HIBADH: variants seen among roughly 807,000 people sequenced by gnomAD.
HIBADH encodes 3-hydroxyisobutyrate dehydrogenase, mitochondrial.
A neutral mutation model predicts 36.1 loss-of-function variants in HIBADH; 25 were observed. That is an observed-to-expected ratio of 0.69 (90% CI 0.50 to 0.97). The LOEUF is 0.97. Ranked by LOEUF, HIBADH falls within the 50% of genes least tolerant of loss-of-function variation. The pLI is 0.00. For missense variants in HIBADH, 421 were observed against 418.0 expected (o/e 1.01, Z -0.06); for synonymous variants, 160 against 149.5 (o/e 1.07, Z -0.51).
chr7:27,532,545 T>C (rs1306274672), intron 6 of HIBADH, among the ~76,000 whole-genome samples: 2 of 152,226 alleles, frequency 1.3e-5, no homozygotes, highest in African/African-American at 4.8e-5. Flanking sequence ...CAAAAATATG[T>C]ATGGAATTAC....
At chr7:27,556,943 C>A (rs1003578358) in intron 4 of HIBADH, among the ~76,000 whole-genome samples, 6 of 152,116 alleles carry the variant, frequency 3.9e-5, no homozygotes, top group African/African-American at 1.2e-4. Flanking sequence ...CCCAGGAAAC[C>A]TGCCTGTGCA....
At chr7:27,635,058 C>G (rs1200024550) in intron 2 of HIBADH, among the ~76,000 whole-genome samples, 1 of 147,976 alleles carries the variant, frequency 6.8e-6, no homozygotes, top group African/African-American at 2.5e-5. Context: ...ATAACACACA[C>G]TCTCTCTCTT....
At chr7:27,633,615 C>T (rs554188869) in intron 2 of HIBADH, among the ~76,000 whole-genome samples, 3 of 152,112 alleles carry the variant, frequency 2.0e-5, no homozygotes, top group Non-Finnish European at 4.4e-5. Context: ...GCTATGATCG[C>T]GCCACCATAC....
intron 4 of HIBADH, among the ~76,000 whole-genome samples, chr7:27,592,293 C>T (rs778136316): frequency 6.6e-6 from 1 of 152,142 alleles, no homozygotes; most frequent in Non-Finnish European, 1.5e-5. Context: ...GTCCATTTAT[C>T]TTTTTCCTCA....
intron 4 of HIBADH, among the ~76,000 whole-genome samples, chr7:27,565,736 T>TA (rs1784538650): frequency 6.6e-6 from 1 of 152,172 alleles, no homozygotes; most frequent in Non-Finnish European, 1.5e-5. Flanking sequence ...GGGAAAGCAT[T>TA]TAGTCTTTCA....
At chr7:27,643,816 T>C (rs900667264) in intron 2 of HIBADH, among the ~76,000 whole-genome samples, 1 of 152,200 alleles carries the variant, frequency 6.6e-6, no homozygotes, top group African/African-American at 2.4e-5. Flanking sequence ...TGATGGCTCC[T>C]GATATTTTCT....
At chr7:27,625,640 C>A (rs765066480) in intron 4 of HIBADH, among the ~76,000 whole-genome samples, 1 of 152,066 alleles carries the variant, frequency 6.6e-6, no homozygotes, top group Non-Finnish European at 1.5e-5. Flanking sequence ...TCAATGTATA[C>A]TTACACTTTA....
chr7:27,541,199 T>C (rs1006007076), intron 5 of HIBADH, among the ~76,000 whole-genome samples: 1 of 151,744 alleles, frequency 6.6e-6, no homozygotes, highest in Non-Finnish European at 1.5e-5. Context: ...CAGGCAGATA[T>C]ACTTTCTCTT....
chr7:27,545,094 C>G (rs571343078), intron 4 of HIBADH, among the ~76,000 whole-genome samples: 1 of 152,150 alleles, frequency 6.6e-6, no homozygotes, highest in Non-Finnish European at 1.5e-5. Flanking sequence ...ATCTTATCTT[C>G]TCATACATAT....
Position 27,591,055 on chromosome 7 carries a change from T to A in HIBADH, c.484+38316A>T, listed in dbSNP as rs138402587. The stretch of plus-strand genomic sequence containing the variant: ...ACCATCATATTTTGGTATCAAATGG[T>A]CTCATCTAAGTCTTACATTTTTAAT... On this transcript the variant is annotated intron_variant, in intron 4 of 7. Coordinates refer to ENST00000265395, the MANE Select transcript of HIBADH (RefSeq NM_152740.4). Among the ~76,000 whole-genome samples the A allele has an allele frequency of 7.2e-5, 11 of 152,320 alleles. No homozygotes were observed. The East Asian group carries it at 2.1e-3, about 29-fold the overall frequency.
chr7:27,600,495 G>A (rs1785112820), intron 4 of HIBADH, among the ~76,000 whole-genome samples: 1 of 152,070 alleles, frequency 6.6e-6, no homozygotes. Context: ...ATCTAGTTGG[G>A]CAATTTTCTG....
At chr7:27,577,591 C>T (rs150388838) in intron 4 of HIBADH, among the ~76,000 whole-genome samples, 81 of 152,154 alleles carry the variant, frequency 5.3e-4, no homozygotes, top group African/African-American at 1.9e-3. Flanking sequence ...TTACTTGCAA[C>T]CCAGGTACAC....
chr7:27,650,127 T>C (rs1786153769), intron 1 of HIBADH, among the ~76,000 whole-genome samples: 1 of 152,090 alleles, frequency 6.6e-6, no homozygotes, highest in Non-Finnish European at 1.5e-5. Flanking sequence ...AATTTACTTA[T>C]AATGTGAAGT....
intron 4 of HIBADH, among the ~76,000 whole-genome samples, chr7:27,560,446 TA>T (rs1784448121): frequency 6.6e-6 from 1 of 152,200 alleles, no homozygotes; most frequent in Non-Finnish European, 1.5e-5. Context: ...AAATATTTTT[TA>T]TTTCATTAAC....
In HIBADH at chr7:27,660,073, A is replaced by C. The variant is rs1186580268; in HGVS notation, c.91+2625T>G. Among the ~76,000 whole-genome samples, 4 of 152,196 alleles carry C rather than the reference A, an allele frequency of 2.6e-5. 1 individual carries two copies. On this transcript the variant is annotated intron_variant, in intron 1 of 7. Coordinates refer to ENST00000265395, the MANE Select transcript of HIBADH (RefSeq NM_152740.4). Reference sequence around the variant, plus strand: ...CTGTCTCTAAAATGTATTTATAAAAAAGTTAAAAAGATGTGCTACTAACCG... The same window carrying C: ...CTGTCTCTAAAATGTATTTATAAAACAGTTAAAAAGATGTGCTACTAACCG...
At position 27,659,070 on chromosome 7, in the gene HIBADH, T is replaced by C. The variant is rs181913455; in HGVS notation, c.91+3628A>G. ...TATATTTGATTTATCCAATGAGTTA[T>C]GCTACTTTGAAAGTAAATTTCACAT... is the stretch of plus-strand genomic sequence containing the variant. On this transcript the variant is annotated intron_variant, in intron 1 of 7. Coordinates refer to ENST00000265395, the MANE Select transcript of HIBADH (RefSeq NM_152740.4). Among the ~76,000 whole-genome samples, 162 of 152,382 alleles carry C rather than the reference T, an allele frequency of 1.1e-3. No individual in the cohort carries two copies. In the South Asian group the frequency reaches 0.014, roughly 14 times the overall value.
chr7:27,648,430 A>G (rs942396395), intron 2 of HIBADH, among the ~76,000 whole-genome samples: 1 of 152,242 alleles, frequency 6.6e-6, no homozygotes, highest in Non-Finnish European at 1.5e-5. Context: ...ATTCAGATAT[A>G]TAGTTCTGAA....
intron 4 of HIBADH, among the ~76,000 whole-genome samples, chr7:27,594,955 T>G (rs918639828): frequency 1.3e-5 from 2 of 152,172 alleles, no homozygotes; most frequent in Non-Finnish European, 2.9e-5. Flanking sequence ...GAATAAAAAA[T>G]TTAAGTTTTT....
chr7:27,611,202 G>A (rs996434399), intron 4 of HIBADH, among the ~76,000 whole-genome samples: 2 of 152,150 alleles, frequency 1.3e-5, no homozygotes, highest in African/African-American at 4.8e-5. Context: ...AAATCAATGA[G>A]GCGTGCCAAC....
Sources: allele counts gnomAD v4.1 joint callset (sites outside exome capture counted in the v4.1 genomes callset), GRCh38; gene constraint gnomAD v4.1.1; transcripts MANE v1.5; gene names NCBI Gene and HGNC (gene_info 2026-07-23, HGNC 2026-07-21).